Variants in KLHL4 observed in about 807,000 individuals in gnomAD.
KLHL4 encodes kelch like family member 4.
Under a neutral mutation model 45.8 loss-of-function variants are expected in KLHL4, and 17 were observed. That is an observed-to-expected ratio of 0.37 (90% CI 0.25 to 0.56). The LOEUF is 0.56. KLHL4 is among the 20% of genes least tolerant of loss of function. The probability of loss-of-function intolerance (pLI) is 0.79; values close to 1 mark genes in which losing one functional copy is unlikely to be tolerated. For synonymous variants in KLHL4, 224 were observed against 189.9 expected, an observed-to-expected ratio of 1.18 and a Z score of -1.47; for missense variants, 544 against 544.9, an observed-to-expected ratio of 1.00 and a Z score of 0.02.
chrX:87,561,897 C>T (rs1932107418), intron 1 of KLHL4, among the ~76,000 whole-genome samples: 1 of 110,128 alleles, frequency 9.1e-6, no homozygotes, highest in Admixed American at 9.8e-5. Context: ...CCACTCTGGG[C>T]ATCACGGAAA....
At chrX:87,585,873 T>A (rs777752919) in intron 1 of KLHL4, among the ~76,000 whole-genome samples, 3 of 110,942 alleles carry the variant, frequency 2.7e-5, no homozygotes, top group African/African-American at 9.8e-5. Flanking sequence ...CTTTTGCCTA[T>A]GAGTAACAAG....
rs1279878327 is a variant in KLHL4 at position 87,522,930 on chromosome X, A to T, written c.422+4615A>T. 3.6e-5 allele frequency among the ~76,000 whole-genome samples: 4 copies of T among 111,711 alleles called. No individual in the cohort carries two copies. In the South Asian group the frequency reaches 1.5e-3, roughly 41 times the overall value. On this transcript the variant is annotated intron_variant, in intron 1 of 10. Coordinates refer to ENST00000373119, the MANE Select transcript of KLHL4 (RefSeq NM_019117.5). ...CACGTATATAATTAAGTTAACATTC[A>T]TTAAAATATATTTAATATTTCAAAA...
rs1924411409 is a variant in KLHL4, at chrX:87,667,516, C to CT, written c.*988dup. On this transcript the variant is annotated 3_prime_UTR_variant, in exon 11 of 11. Transcript: ENST00000373119. Reference sequence around the variant, plus strand: ...TAAGCCTGGTCAATTCTATAGTTATCTTTTTTGTACCAACACATGCTTTTC... The same window carrying CT: ...TAAGCCTGGTCAATTCTATAGTTATCTTTTTTTGTACCAACACATGCTTTTC... The CT allele has an allele frequency of 4.1e-6, 3 of 726,407 alleles. No individual in the cohort carries two copies. Among genetic ancestry groups the CT allele is most frequent in the African/African-American group, 4.7e-5 (2 of 42,195 alleles). 59.9% of individuals were successfully genotyped at this position (726,407 alleles called of 1,213,427 possible). A position where few individuals can be genotyped will look rare whatever the true frequency, so the allele number is the denominator to read the frequency against.
At chrX:87,654,263 C>G (rs1923913528) in intron 9 of KLHL4, among the ~76,000 whole-genome samples, 1 of 111,142 alleles carries the variant, frequency 9.0e-6, no homozygotes, top group African/African-American at 3.3e-5. Context: ...ATATATTGAA[C>G]CAATTAAGTA....
At chrX:87,598,911 C>A (rs1569350192) in intron 1 of KLHL4, among the ~76,000 whole-genome samples, 1 of 110,218 alleles carries the variant, frequency 9.1e-6, no homozygotes. Context: ...ATATTTTATG[C>A]AATGGAAAAT....
chrX:87,517,979 C>T lies in KLHL4; in HGVS notation c.86C>T (p.Ser29Phe). The T allele has an allele frequency of 8.3e-7, 1 of 1,211,275 alleles. No individual in the cohort carries two copies. Residue 29 changes from serine (S) to phenylalanine (F), a missense_variant, in exon 1 of 11, where the codon TCC (serine) becomes TTC (phenylalanine). By Grantham distance (155) the Ser-to-Phe change is radical. Transcript: ENST00000373119. ...TGGTTTAGTCATCCTTTTCAAGGTTCCACCAACACTGGAAGCTGTCTTCAG... is the reference window on the plus strand; with the variant it reads ...TGGTTTAGTCATCCTTTTCAAGGTTTCACCAACACTGGAAGCTGTCTTCAG... The part of the protein sequence containing the change: ...WRWFSHPFQG[S>F]TNTGSCLQQE...
chrX:87,561,331 G>T (rs975915768), intron 1 of KLHL4, among the ~76,000 whole-genome samples: 1 of 110,930 alleles, frequency 9.0e-6, no homozygotes, highest in Non-Finnish European at 1.9e-5. Flanking sequence ...ATTGCCCACG[G>T]TGCCACATTG....
chrX:87,601,950 T>C (rs1054245239), intron 1 of KLHL4, among the ~76,000 whole-genome samples: 3 of 111,081 alleles, frequency 2.7e-5, no homozygotes, highest in Non-Finnish European at 5.7e-5. Flanking sequence ...AGTGACATCT[T>C]AATAATCTTG....
intron 7 of KLHL4, among the ~76,000 whole-genome samples, chrX:87,632,703 A>C (rs1310602447): frequency 9.0e-6 from 1 of 111,486 alleles, no homozygotes; most frequent in African/African-American, 3.3e-5. Context: ...AATAATATAC[A>C]ACTACAGCAA....
intron 1 of KLHL4, among the ~76,000 whole-genome samples, chrX:87,519,730 A>G (rs1930964386): frequency 8.9e-6 from 1 of 112,261 alleles, no homozygotes; most frequent in South Asian, 3.6e-4. Flanking sequence ...GCAGGCTTTC[A>G]AATTTGTTCT....
At chrX:87,549,189 G>A (rs1931753773) in intron 1 of KLHL4, among the ~76,000 whole-genome samples, 1 of 110,644 alleles carries the variant, frequency 9.0e-6, no homozygotes, top group Non-Finnish European at 1.9e-5. Flanking sequence ...ACTACATAAT[G>A]ATAAAATGAT....
At chrX:87,525,152 A>T (rs894149656) in intron 1 of KLHL4, among the ~76,000 whole-genome samples, 1 of 112,101 alleles carries the variant, frequency 8.9e-6, no homozygotes, top group African/African-American at 3.2e-5. Flanking sequence ...GACTAACATG[A>T]TATTAATTGT....
chrX:87,578,685 C>T (rs1271334508), intron 1 of KLHL4, among the ~76,000 whole-genome samples: 1 of 112,556 alleles, frequency 8.9e-6, no homozygotes, highest in African/African-American at 3.2e-5. Context: ...CCTCTGTAAG[C>T]AACTTCCTCC....
At chrX:87,626,556 C>G in intron 6 of KLHL4, among the ~76,000 whole-genome samples, 1 of 109,832 alleles carries the variant, frequency 9.1e-6, no homozygotes, top group Non-Finnish European at 1.9e-5. Context: ...ATTTACACTG[C>G]CGTTGTGAAA....
chrX:87,531,406 C>T lies in KLHL4; in HGVS notation c.422+13091C>T, dbSNP rs183953103. 2.8e-4 allele frequency among the ~76,000 whole-genome samples: 31 copies of T among 111,301 alleles called. No homozygotes were observed. The East Asian group carries it at 5.4e-3, about 19-fold the overall frequency. On this transcript the variant is annotated intron_variant, in intron 1 of 10. Transcript: ENST00000373119. The stretch of plus-strand genomic sequence containing the variant: ...AGGGTTTGTATGGTTTTAGGTCTAA[C>T]GTTTAAGTCTTTAATCCACCTTGAA...
chrX:87,666,582 A>C lies in KLHL4; in HGVS notation c.*48A>C, dbSNP rs754318732. 1 of 1,115,636 alleles carries C rather than the reference A, an allele frequency of 9.0e-7. No homozygotes were observed. The highest frequency in any genetic ancestry group is 1.2e-6 in the Non-Finnish European group (1 of 843,708). The allele number at this position is 1,115,636 out of a possible 1,213,427, so 91.9% of individuals were successfully genotyped here. ...GAATGAAACTAGATAATTTCAAGAA[A>C]CTGAGTAGGACAAAGGGAGAAAGAA... On this transcript the variant is annotated 3_prime_UTR_variant, in exon 11 of 11. Coordinates refer to ENST00000373119, the MANE Select transcript of KLHL4 (RefSeq NM_019117.5).
intron 5 of KLHL4, among the ~76,000 whole-genome samples, chrX:87,624,246 A>C (rs912950949): frequency 8.9e-6 from 1 of 112,288 alleles, no homozygotes; most frequent in Non-Finnish European, 1.9e-5. Context: ...CCTTAGACCT[A>C]GAATATGGAC....
At chrX:87,626,556 C>T (rs1383249174) in intron 6 of KLHL4, among the ~76,000 whole-genome samples, 5 of 109,778 alleles carry the variant, frequency 4.6e-5, no homozygotes, top group African/African-American at 1.7e-4. Flanking sequence ...ATTTACACTG[C>T]CGTTGTGAAA....
intron 9 of KLHL4, among the ~76,000 whole-genome samples, chrX:87,641,431 A>G: frequency 8.9e-6 from 1 of 112,044 alleles, no homozygotes; most frequent in South Asian, 3.7e-4. Flanking sequence ...GCCTGGTACC[A>G]CAGGGATACA....
Sources: gnomAD v4.1 joint callset for allele counts (sites outside exome capture counted in the v4.1 genomes callset) on GRCh38, gnomAD v4.1.1 for gene constraint, MANE v1.5 for transcripts, NCBI Gene and HGNC (gene_info 2026-07-23, HGNC 2026-07-21) for gene names.